Variants in PIK3R3 observed in about 807,000 individuals in gnomAD.
The protein encoded by PIK3R3 is phosphoinositide-3-kinase regulatory subunit 3, also known as phosphatidylinositol 3-kinase regulatory subunit gamma.
PIK3R3 carries 64 observed loss-of-function variants against 62.9 expected under a neutral mutation model. The ratio of observed to expected loss-of-function variants is 1.02; its 90% CI spans 0.83 to 1.25. The LOEUF is 1.25. Among genes scored for constraint, PIK3R3 ranks in the 50% most tolerant of loss-of-function variants. The probability of loss-of-function intolerance (pLI) is 0.00; values close to 1 mark genes in which losing one functional copy is unlikely to be tolerated. For missense variants in PIK3R3, 614 were observed against 561.6 expected (o/e 1.09, Z -0.94); for synonymous variants, 165 against 189.0 (o/e 0.87, Z 1.04).
chr1:46,100,785 T>C (rs1652587288), intron 1 of PIK3R3, among the ~76,000 whole-genome samples: 1 of 152,232 alleles, frequency 6.6e-6, no homozygotes, highest in Admixed American at 6.5e-5. Flanking sequence ...GGAAATTGTA[T>C]ACTTTTCAAC....
At position 46,055,819 on chromosome 1, in the gene PIK3R3, C is replaced by G. The variant is rs942307069; in HGVS notation, c.917G>C (p.Arg306Pro). The change falls in exon 7 of 10, where the codon CGA becomes CCA. Residue 306 changes from arginine (R) to proline (P), a missense_variant. Physicochemically the swap from Arg to Pro is moderately radical, Grantham distance 103. Coordinates refer to ENST00000262741, the MANE Select transcript of PIK3R3 (RefSeq NM_003629.4). ...NSIKPDLIQLRKIRDQHLVWL... is the reference protein window; with the variant it reads ...NSIKPDLIQLPKIRDQHLVWL... ...CACAAGGTGTTGATCTCGGATCTTT[C>G]GCAGCTGGATCAGGTCAGGTTTGAT... 1.9e-6 allele frequency: 3 copies of G among 1,579,922 alleles called. No individual in the cohort carries two copies. The highest frequency in any genetic ancestry group is 1.4e-5 in the African/African-American group (1 of 71,420).
chr1:46,167,238 G>A, the PIK3R3 span, among the ~76,000 whole-genome samples: 1 of 152,258 alleles, frequency 6.6e-6, no homozygotes, highest in Admixed American at 6.5e-5. Flanking sequence ...AATCCGGAGC[G>A]GATTTGCATC....
the PIK3R3 span, among the ~76,000 whole-genome samples, chr1:46,143,946 A>G: frequency 2.0e-3 from 306 of 151,798 alleles, 1 homozygote; most frequent in Middle Eastern, 6.8e-3. Context: ...CCACCCACAC[A>G]CCCTTTCCCA....
At chr1:46,140,246 A>G in the PIK3R3 span, among the ~76,000 whole-genome samples, 1 of 152,106 alleles carries the variant, frequency 6.6e-6, no homozygotes, top group Non-Finnish European at 1.5e-5. Context: ...CTCCTGCCGC[A>G]GCCTCCCATG....
chr1:46,147,666 C>T, the PIK3R3 span, among the ~76,000 whole-genome samples: 1 of 152,088 alleles, frequency 6.6e-6, no homozygotes, highest in African/African-American at 2.4e-5. Context: ...ACCTCGTGAT[C>T]CGCCCACCTT....
chr1:46,165,925 C>T, the PIK3R3 span, among the ~76,000 whole-genome samples: 1 of 151,342 alleles, frequency 6.6e-6, no homozygotes, highest in Non-Finnish European at 1.5e-5. Context: ...CGCCCGCCAC[C>T]GCACCCGGCT....
the PIK3R3 span, among the ~76,000 whole-genome samples, chr1:46,168,749 C>T: frequency 6.6e-6 from 1 of 152,206 alleles, no homozygotes; most frequent in Non-Finnish European, 1.5e-5. Context: ...GTCCCCCTGC[C>T]CCTGGCTCTG....
Position 46,041,658 on chromosome 1 carries a change from C to G in PIK3R3, c.*2015G>C. 5.3e-6 allele frequency: 1 copy of G among 187,236 alleles called. No homozygotes were observed. The highest frequency in any genetic ancestry group is 8.6e-5 in the East Asian group (1 of 11,666). The allele number at this position is 187,236 out of a possible 1,614,324, so 11.6% of individuals were successfully genotyped here. On this transcript the variant is annotated 3_prime_UTR_variant, in exon 10 of 10. Coordinates refer to ENST00000262741, the MANE Select transcript of PIK3R3 (RefSeq NM_003629.4). The stretch of plus-strand genomic sequence containing the variant: ...GGTTCAACACCAGGTGCAAAGCCAT[C>G]CAGGTGTGCCCAACAGCAATTAGCT...
chr1:46,063,507 TCTGG>T (rs1265265780), intron 5 of PIK3R3, among the ~76,000 whole-genome samples: 6 of 152,196 alleles, frequency 3.9e-5, no homozygotes, highest in Admixed American at 2.0e-4. Context: ...CCTATAAAGT[TCTGG>T]CCCTGGATCT....
Position 46,040,296 on chromosome 1 carries a change from G to A in PIK3R3, c.*3377C>T. ...GCACAGCAATGTCTGAACACATCTG[G>A]TGACAAGAACAATTTGTAAAGTGGT... On this transcript the variant is annotated 3_prime_UTR_variant, in exon 10 of 10. Transcript: ENST00000262741. 1 of 232,418 alleles carries A rather than the reference G, an allele frequency of 4.3e-6. No homozygotes were observed. The highest frequency in any genetic ancestry group is 8.5e-6 in the Non-Finnish European group (1 of 117,266). The allele number at this position is 232,418 out of a possible 1,614,324, so 14.4% of individuals were successfully genotyped here.
intron 9 of PIK3R3, among the ~76,000 whole-genome samples, chr1:46,045,009 T>C (rs1451607750): frequency 1.3e-5 from 2 of 152,232 alleles, no homozygotes; most frequent in Non-Finnish European, 2.9e-5. Flanking sequence ...CACAATCATT[T>C]TGTCACTTTG....
chr1:46,077,914 A>G lies in PIK3R3; in HGVS notation c.216-301T>C, dbSNP rs80056578. On this transcript the variant is annotated intron_variant, in intron 2 of 9. Coordinates refer to ENST00000262741, the MANE Select transcript of PIK3R3 (RefSeq NM_003629.4). ...CAAGCCTTTAAGGGTTTCCTTAGGCAGGTCTGAACTTGTAAAGTTTCAGGA... is the reference window on the plus strand; with the variant it reads ...CAAGCCTTTAAGGGTTTCCTTAGGCGGGTCTGAACTTGTAAAGTTTCAGGA... Among the ~76,000 whole-genome samples, 1,041 of 152,330 alleles carry G rather than the reference A, an allele frequency of 6.8e-3. 11 individuals carry two copies. Among genetic ancestry groups the G allele is most frequent in the African/African-American group, 0.024 (1,005 of 41,570 alleles).
Position 46,043,085 on chromosome 1 carries a change from G to C in PIK3R3, c.*588C>G, listed in dbSNP as rs1647024722. 1.3e-5 allele frequency: 3 copies of C among 227,910 alleles called. No homozygotes were observed. The East Asian group carries it at 1.9e-4, about 14-fold the overall frequency. The allele number at this position is 227,910 out of a possible 1,614,324, so 14.1% of individuals were successfully genotyped here. ...AGATGCTGAAGCCTAAATTATGTTGGTAAGAAACAAAATACCTTCAGTTGA... is the reference window on the plus strand; with the variant it reads ...AGATGCTGAAGCCTAAATTATGTTGCTAAGAAACAAAATACCTTCAGTTGA... On this transcript the variant is annotated 3_prime_UTR_variant, in exon 10 of 10. Transcript: ENST00000262741.
At chr1:46,101,324 T>C (rs141130423) in intron 1 of PIK3R3, among the ~76,000 whole-genome samples, 1,800 of 151,994 alleles carry the variant, frequency 0.012, 29 homozygotes, top group African/African-American at 0.038. Context: ...TGAAACCCCA[T>C]CTCTACTAAA....
Position 46,040,986 on chromosome 1 carries a change from A to C in PIK3R3, c.*2687T>G, listed in dbSNP as rs1646985904. The stretch of plus-strand genomic sequence containing the variant: ...CTAGTACCTGTGTCCAGCCAGCCCC[A>C]AGCTGCTTGCATGTCAGTAGCTGGG... On this transcript the variant is annotated 3_prime_UTR_variant, in exon 10 of 10. Coordinates refer to ENST00000262741, the MANE Select transcript of PIK3R3 (RefSeq NM_003629.4). The C allele has an allele frequency of 5.9e-6, 1 of 169,500 alleles. No homozygotes were observed. Among genetic ancestry groups the C allele is most frequent in the Non-Finnish European group, 1.3e-5 (1 of 77,966 alleles). The allele number at this position is 169,500 out of a possible 1,614,324, so 10.5% of individuals were successfully genotyped here.
At position 46,128,352 on chromosome 1, in the gene PIK3R3, C is replaced by T. The variant is rs187621504; in HGVS notation, c.106+3495G>A. On this transcript the variant is annotated intron_variant, in intron 1 of 9. Coordinates refer to ENST00000262741, the MANE Select transcript of PIK3R3 (RefSeq NM_003629.4). Reference sequence around the variant, plus strand: ...CTCGGGAGGCTCAGGGACAAGAATCCTTTGAACCCAGGATGTGGAGGTTGC... The same window carrying T: ...CTCGGGAGGCTCAGGGACAAGAATCTTTTGAACCCAGGATGTGGAGGTTGC... Among the ~76,000 whole-genome samples the T allele has an allele frequency of 1.7e-3, 263 of 152,174 alleles. 1 individual carries two copies. The highest frequency in any genetic ancestry group is 6.8e-3 in the Middle Eastern group (2 of 294).
At chr1:46,146,451 C>T in the PIK3R3 span, among the ~76,000 whole-genome samples, 1 of 152,142 alleles carries the variant, frequency 6.6e-6, no homozygotes. Context: ...TTTATTCTTG[C>T]ATCTTCTGGC....
the PIK3R3 span, among the ~76,000 whole-genome samples, chr1:46,141,597 T>A: frequency 2.6e-5 from 4 of 152,192 alleles, no homozygotes; most frequent in Non-Finnish European, 4.4e-5. Flanking sequence ...AATCAATATG[T>A]AGAGATCATA....
rs1375907633 is a variant in PIK3R3 at position 46,046,093 on chromosome 1, A to T, written c.1017-5T>A. ...TCCTCATTGATAAAATAGTTCCTAAAAATTAAATATTAGTATATTATTCTA... is the reference window on the plus strand; with the variant it reads ...TCCTCATTGATAAAATAGTTCCTAATAATTAAATATTAGTATATTATTCTA... On this transcript the variant is annotated splice_region_variant and splice_polypyrimidine_tract_variant and intron_variant, in intron 8 of 9. Transcript: ENST00000262741. 1 of 1,509,814 alleles carries T rather than the reference A, an allele frequency of 6.6e-7. No homozygotes were observed. The highest frequency in any genetic ancestry group is 9.1e-7 in the Non-Finnish European group (1 of 1,094,358). The allele number at this position is 1,509,814 out of a possible 1,614,324, so 93.5% of individuals were successfully genotyped here. A position where few individuals can be genotyped will look rare whatever the true frequency, so the allele number is the denominator to read the frequency against.
Sources: allele counts gnomAD v4.1 joint callset (sites outside exome capture counted in the v4.1 genomes callset), GRCh38; gene constraint gnomAD v4.1.1; transcripts MANE v1.5; gene names NCBI Gene and HGNC (gene_info 2026-07-23, HGNC 2026-07-21).